KATNIP: variants seen among roughly 807,000 people sequenced by gnomAD.
KATNIP encodes the protein katanin-interacting protein.
Under a neutral mutation model 174.0 loss-of-function variants are expected in KATNIP, and 126 were observed. The ratio of observed to expected loss-of-function variants is 0.72; its 90% CI spans 0.63 to 0.84. The LOEUF (loss-of-function observed/expected upper bound fraction) is 0.84. KATNIP is among the 40% of genes least tolerant of loss of function. KATNIP has a pLI of 0.00. For missense variants in KATNIP, 1,958 were observed against 2,109.7 expected (o/e 0.93, Z 1.41); for synonymous variants, 810 against 835.7 (o/e 0.97, Z 0.53).
chr16:27,701,721 C>T (rs143269121), intron 11 of KATNIP, 26 bp downstream of exon 11: 18,980 of 1,516,790 alleles, frequency 0.013, 159 homozygotes, highest in Non-Finnish European at 0.015. Flanking sequence ...AGGCCAAACC[C>T]GAAACCCCTT....
chr16:27,682,831 T>G (rs1249416559), intron 8 of KATNIP, among the ~76,000 whole-genome samples: 1 of 152,136 alleles, frequency 6.6e-6, no homozygotes, highest in Non-Finnish European at 1.5e-5. Context: ...AGTGGATTAA[T>G]GCATTCATGG....
chr16:27,628,514 G>GTTTGT (rs2076394210), intron 3 of KATNIP, 147 bp from the exon 4 acceptor site: 1 of 839,240 alleles, frequency 1.2e-6, no homozygotes, highest in Non-Finnish European at 1.9e-6. Context: ...GTCAGAGGCT[G>GTTTGT]TTTGTAGACA....
At chr16:27,761,890 TCTC>T (rs2081967817) in intron 19 of KATNIP, among the ~76,000 whole-genome samples, 1 of 152,148 alleles carries the variant, frequency 6.6e-6, no homozygotes. Context: ...TAGCAGAGCG[TCTC>T]GCACACAGTA....
intron 19 of KATNIP, 82 bp downstream of exon 19, chr16:27,761,672 CAT>C (rs1420461805): frequency 3.5e-5 from 45 of 1,272,414 alleles, no homozygotes; most frequent in Non-Finnish European, 2.4e-5. Flanking sequence ...CAGATTCAGA[CAT>C]CAAATAGAAT....
chr16:27,631,944 T>C (rs2076502191), intron 5 of KATNIP, among the ~76,000 whole-genome samples: 1 of 152,206 alleles, frequency 6.6e-6, no homozygotes, highest in Non-Finnish European at 1.5e-5. Context: ...ATGTAACTCG[T>C]CTCCTTTGCC....
At chr16:27,756,073 C>G (rs1032257045) in intron 18 of KATNIP, among the ~76,000 whole-genome samples, 13 of 152,162 alleles carry the variant, frequency 8.5e-5, no homozygotes, top group African/African-American at 2.7e-4. Flanking sequence ...GAGGTGGGGT[C>G]TGAGCAGTGC....
chr16:27,699,566 C>G lies in KATNIP; in HGVS notation c.1146C>G (p.Thr382=), dbSNP rs146596969. The change falls in exon 10 of 28, where the codon ACC becomes ACG. Residue 382 remains threonine (T), a synonymous_variant. Transcript: ENST00000261588. ...AAGGACCACCAGCAAAACCATGGAC[C>G]AGTCTGCTGGAGGAGAAGGAAGAGA... ...DAEGPPAKPW[T]SLLEEKEETL... 6.2e-7 allele frequency: 1 copy of G among 1,614,162 alleles called. No homozygotes were observed. Among genetic ancestry groups the G allele is most frequent in the South Asian group, 1.1e-5 (1 of 91,076 alleles).
At chr16:27,755,463 T>A (rs1205721427) in intron 18 of KATNIP, 2 of 152,260 alleles carry the variant, frequency 1.3e-5, no homozygotes. Context: ...GAAGCTGGTC[T>A]GCGGTTCAGC....
intron 14 of KATNIP, among the ~76,000 whole-genome samples, chr16:27,723,795 C>G (rs1317575219): frequency 6.6e-6 from 1 of 151,798 alleles, no homozygotes; most frequent in African/African-American, 2.4e-5. Flanking sequence ...GCAGTCCTCC[C>G]TTCCTCCCTT....
chr16:27,748,083 C>A (rs528325342), intron 15 of KATNIP, among the ~76,000 whole-genome samples: 4 of 152,102 alleles, frequency 2.6e-5, no homozygotes, highest in Non-Finnish European at 5.9e-5. Context: ...AGGATGACAC[C>A]CTTAGATGGC....
intron 3 of KATNIP, 117 bp from the exon 4 acceptor site, chr16:27,628,544 C>A: frequency 8.8e-7 from 1 of 1,135,288 alleles, no homozygotes. Context: ...GCACACGCCC[C>A]CTGGGCTCTG....
chr16:27,752,069 T>C (rs1049171892), intron 17 of KATNIP, 145 bp downstream of exon 17: 1 of 533,044 alleles, frequency 1.9e-6, no homozygotes, highest in African/African-American at 1.9e-5. Context: ...TACTTTGTTT[T>C]TTTGTCCTCT....
chr16:27,735,056 T>C (rs1021835747), intron 14 of KATNIP, among the ~76,000 whole-genome samples: 4 of 152,250 alleles, frequency 2.6e-5, no homozygotes, highest in African/African-American at 9.6e-5. Flanking sequence ...TGGTGATCCT[T>C]GGGCCACATC....
intron 2 of KATNIP, among the ~76,000 whole-genome samples, chr16:27,605,002 C>T (rs929191574): frequency 2.0e-5 from 3 of 152,184 alleles, no homozygotes; most frequent in Non-Finnish European, 4.4e-5. Context: ...GATCTCGGCT[C>T]ACTGCAACCT....
At chr16:27,755,668 C>G (rs537768614) in intron 18 of KATNIP, 2 of 152,362 alleles carry the variant, frequency 1.3e-5, no homozygotes, top group African/African-American at 4.8e-5. Context: ...CAGTTTTACT[C>G]TGTCGCTCAG....
intron 2 of KATNIP, among the ~76,000 whole-genome samples, chr16:27,604,296 C>T (rs550562415): frequency 1.6e-4 from 24 of 152,232 alleles, no homozygotes; most frequent in Non-Finnish European, 2.6e-4. Flanking sequence ...GATAGAGTCT[C>T]ACTGTGTTAC....
chr16:27,708,962 C>A, intron 13 of KATNIP, 42 bp downstream of exon 13: 1 of 1,470,386 alleles, frequency 6.8e-7, no homozygotes, highest in East Asian at 2.3e-5. Flanking sequence ...GCTGTGTATT[C>A]CCATGCATTT....
At chr16:27,660,115 G>A (rs928696878) in intron 6 of KATNIP, 3 of 599,966 alleles carry the variant, frequency 5.0e-6, no homozygotes, top group Non-Finnish European at 6.3e-6. Flanking sequence ...ACATTCTGGG[G>A]CCTTGGCTAA....
chr16:27,671,834 T>C (rs1262428995), intron 6 of KATNIP, among the ~76,000 whole-genome samples: 1 of 152,116 alleles, frequency 6.6e-6, no homozygotes, highest in Non-Finnish European at 1.5e-5. Flanking sequence ...GGCGGGTGGA[T>C]CACCTGAAGT....
Sources: gnomAD v4.1 joint callset for allele counts (sites outside exome capture counted in the v4.1 genomes callset) on GRCh38, gnomAD v4.1.1 for gene constraint, MANE v1.5 for transcripts, NCBI Gene and HGNC (gene_info 2026-07-23, HGNC 2026-07-21) for gene names.